The following RARB variants were observed in gnomAD, a reference collection of about 807,000 sequenced individuals.
RARB encodes the protein HBV-activated protein.
In RARB, 17 loss-of-function variants were observed where a neutral mutation model predicts 51.9. The ratio of observed to expected loss-of-function variants is 0.33; its 90% CI spans 0.22 to 0.49. RARB has a LOEUF of 0.49. Among genes scored for constraint, RARB ranks in the 20% least tolerant of loss-of-function variants. RARB has a pLI of 0.99. For missense variants in RARB, 369 were observed against 550.8 expected, an observed-to-expected ratio of 0.67 and a Z score of 3.30; for synonymous variants, 215 against 195.4, an observed-to-expected ratio of 1.10 and a Z score of -0.84.
chr3:25,052,219 C>T (rs1179928573), intron 2 of RARB, among the ~76,000 whole-genome samples: 2 of 152,124 alleles, frequency 1.3e-5, no homozygotes, highest in African/African-American at 2.4e-5. Context: ...TGCTTAAAGC[C>T]CTTATTATCA....
At chr3:24,879,229 A>G (rs1703107594) in intron 2 of RARB, among the ~76,000 whole-genome samples, 1 of 151,272 alleles carries the variant, frequency 6.6e-6, no homozygotes, top group Non-Finnish European at 1.5e-5. Context: ...GGAGATTGAG[A>G]CCATCCTGGC....
intron 2 of RARB, among the ~76,000 whole-genome samples, chr3:25,003,429 A>T (rs1443219885): frequency 6.6e-6 from 1 of 152,122 alleles, no homozygotes; most frequent in African/African-American, 2.4e-5. Flanking sequence ...GCTGGTAATG[A>T]CAAGATGGTC....
chr3:25,334,605 C>T (rs1705007671), intron 5 of RARB, among the ~76,000 whole-genome samples: 1 of 152,032 alleles, frequency 6.6e-6, no homozygotes, highest in African/African-American at 2.4e-5. Flanking sequence ...ATGCAGCACA[C>T]CAACGTGGCA....
chr3:24,976,523 A>G (rs1414536329), intron 2 of RARB, among the ~76,000 whole-genome samples: 1 of 152,204 alleles, frequency 6.6e-6, no homozygotes, highest in Non-Finnish European at 1.5e-5. Context: ...ATGACCAGCG[A>G]TGATGAGCAT....
Position 25,135,397 on chromosome 3 carries a change from C to G in RARB, c.-280+3189C>G, listed in dbSNP as rs1700016929. Among the ~76,000 whole-genome samples, 4 of 151,976 alleles carry G rather than the reference C, an allele frequency of 2.6e-5. No individual in the cohort carries two copies. In the South Asian group the frequency reaches 8.3e-4, roughly 32 times the overall value. On this transcript the variant is annotated intron_variant, in intron 4 of 11. Coordinates refer to the RARB transcript ENST00000383772. ...TTCCTTGGGAATTATAGAAATAACC[C>G]CATTTACCTGGATATCTGATATTTA...
At chr3:25,418,486 A>G (rs187441351) in intron 5 of RARB, among the ~76,000 whole-genome samples, 1 of 152,276 alleles carries the variant, frequency 6.6e-6, no homozygotes, top group Non-Finnish European at 1.5e-5. Flanking sequence ...AAGGATTATG[A>G]ATTTACCTAA....
intron 2 of RARB, among the ~76,000 whole-genome samples, chr3:25,051,783 C>T (rs1698337984): frequency 6.6e-6 from 1 of 151,948 alleles, no homozygotes; most frequent in African/African-American, 2.4e-5. Flanking sequence ...AGAACATGGC[C>T]AAGCTAAGAA....
At chr3:25,531,661 G>A (rs1698925700) in intron 3 of RARB, among the ~76,000 whole-genome samples, 1 of 148,442 alleles carries the variant, frequency 6.7e-6, no homozygotes, top group African/African-American at 2.5e-5. Flanking sequence ...AAGTGCTACA[G>A]TTTTCTGTAT....
rs556616929 is a variant in RARB at position 24,879,683 on chromosome 3, C to T, written c.-380+20931C>T. On this transcript the variant is annotated intron_variant, in intron 2 of 11. Coordinates refer to the RARB transcript ENST00000383772. ...TTAAACAAAAAACCGAATCACTTTA[C>T]ATTCTTGACTTGAGGGATTTAGGAT... 8.5e-5 allele frequency among the ~76,000 whole-genome samples: 13 copies of T among 152,132 alleles called. No individual in the cohort carries two copies. In the East Asian group the frequency reaches 2.5e-3, roughly 29 times the overall value.
At chr3:25,024,724 G>C (rs1697706366) in intron 2 of RARB, among the ~76,000 whole-genome samples, 1 of 152,038 alleles carries the variant, frequency 6.6e-6, no homozygotes, top group South Asian at 2.1e-4. Flanking sequence ...GGCCAAGACG[G>C]GCCAGATCAC....
intron 5 of RARB, among the ~76,000 whole-genome samples, chr3:25,191,877 T>C (rs1164344109): frequency 6.6e-6 from 1 of 152,136 alleles, no homozygotes; most frequent in African/African-American, 2.4e-5. Flanking sequence ...TCAAGGAATC[T>C]TGTGAATTTG....
intron 2 of RARB, among the ~76,000 whole-genome samples, chr3:24,937,657 C>G (rs1182152094): frequency 6.6e-6 from 1 of 152,056 alleles, no homozygotes; most frequent in South Asian, 2.1e-4. Context: ...ACTTCAGAAC[C>G]GTTCAGGGAG....
chr3:25,360,813 T>A lies in RARB; in HGVS notation c.179-100380T>A, dbSNP rs151033761. On this transcript the variant is annotated intron_variant, in intron 5 of 11. Coordinates refer to the RARB transcript ENST00000383772. ...GAAGGTTGAATATTGGCCCCTACTC[T>A]CTTCTGGCTTGTAGGGTTTCTGCAG... Among the ~76,000 whole-genome samples, 344 of 152,290 alleles carry A rather than the reference T, an allele frequency of 2.3e-3. 2 individuals carry two copies. Among genetic ancestry groups the A allele is most frequent in the African/African-American group, 7.9e-3 (330 of 41,556 alleles).
At chr3:25,233,426 G>T (rs190283663) in intron 5 of RARB, among the ~76,000 whole-genome samples, 1 of 152,046 alleles carries the variant, frequency 6.6e-6, no homozygotes, top group South Asian at 2.1e-4. Flanking sequence ...GTTCTAGGAG[G>T]TTTGTGTGTG....
chr3:25,150,335 T>C (rs990772188), intron 4 of RARB, among the ~76,000 whole-genome samples: 2 of 152,168 alleles, frequency 1.3e-5, no homozygotes, highest in Non-Finnish European at 2.9e-5. Context: ...AGGGACAGGA[T>C]TCCCAAGGGA....
intron 3 of RARB, among the ~76,000 whole-genome samples, chr3:25,079,490 T>C (rs1346136377): frequency 6.6e-6 from 1 of 152,230 alleles, no homozygotes; most frequent in Non-Finnish European, 1.5e-5. Context: ...TTAAGTATTA[T>C]ACTAACAGCT....
Position 25,540,700 on chromosome 3 carries a change from C to T in RARB, c.449-29058C>T, listed in dbSNP as rs112271223. On this transcript the variant is annotated intron_variant, in intron 3 of 7. Transcript: ENST00000330688. ...GTTACCAGACATTTTATATGGGTTGCCCCAGGGTGCTGTGGATGGAGGAGG... is the reference window on the plus strand; with the variant it reads ...GTTACCAGACATTTTATATGGGTTGTCCCAGGGTGCTGTGGATGGAGGAGG... 5.7e-3 allele frequency among the ~76,000 whole-genome samples: 864 copies of T among 152,252 alleles called. 6 individuals are homozygous for T. Among genetic ancestry groups the T allele is most frequent in the African/African-American group, 0.02 (825 of 41,542 alleles).
At chr3:25,370,872 T>C (rs1164055031) in intron 5 of RARB, among the ~76,000 whole-genome samples, 3 of 152,192 alleles carry the variant, frequency 2.0e-5, no homozygotes, top group Non-Finnish European at 4.4e-5. Flanking sequence ...CTCCAGAGTC[T>C]CTAGGAGAGA....
intron 2 of RARB, among the ~76,000 whole-genome samples, chr3:24,903,149 A>C (rs1703642856): frequency 6.6e-6 from 1 of 152,116 alleles, no homozygotes; most frequent in Non-Finnish European, 1.5e-5. Flanking sequence ...TTTAATACTT[A>C]ATTTCTGACA....
Sources: allele counts gnomAD v4.1 joint callset (sites outside exome capture counted in the v4.1 genomes callset), GRCh38; gene constraint gnomAD v4.1.1; transcripts MANE v1.5; gene names NCBI Gene and HGNC (gene_info 2026-07-23, HGNC 2026-07-21).